The following DCC variants were observed in gnomAD, a reference collection of about 807,000 sequenced individuals.
DCC encodes netrin receptor DCC.
In DCC, 58 loss-of-function variants were observed where a neutral mutation model predicts 172.5. That is an observed-to-expected ratio of 0.34 (90% CI 0.27 to 0.42). The LOEUF (loss-of-function observed/expected upper bound fraction) is 0.42. Ranked by LOEUF, DCC falls within the 10% of genes least tolerant of loss-of-function variation. DCC has a pLI of 1.00. For synonymous variants in DCC, 709 were observed against 644.5 expected (o/e 1.10, Z -1.52); for missense variants, 1,740 against 1,791.0 (o/e 0.97, Z 0.51).
chr18:53,343,230 A>G (rs1431856151), intron 15 of DCC, among the ~76,000 whole-genome samples: 3 of 151,926 alleles, frequency 2.0e-5, no homozygotes, highest in Non-Finnish European at 4.4e-5. Flanking sequence ...GAAAGCAGGT[A>G]TCTTTCCTTT....
intron 1 of DCC, among the ~76,000 whole-genome samples, chr18:52,748,058 G>A (rs1243400050): frequency 6.6e-6 from 1 of 152,246 alleles, no homozygotes; most frequent in East Asian, 1.9e-4. Context: ...CTGATCCCAC[G>A]CCCACCATAG....
intron 3 of DCC, among the ~76,000 whole-genome samples, chr18:52,922,461 T>C (rs1023290401): frequency 6.6e-6 from 1 of 152,168 alleles, no homozygotes; most frequent in African/African-American, 2.4e-5. Context: ...CGATTGGGTC[T>C]GTCCTCACTC....
intron 11 of DCC, among the ~76,000 whole-genome samples, chr18:53,208,739 C>G (rs370805211): frequency 6.6e-6 from 1 of 152,078 alleles, no homozygotes; most frequent in South Asian, 2.1e-4. Context: ...CTTTTCTTTT[C>G]CTTTTTTGGA....
intron 6 of DCC, among the ~76,000 whole-genome samples, chr18:53,063,910 T>G (rs571962437): frequency 6.6e-6 from 1 of 152,232 alleles, no homozygotes; most frequent in Admixed American, 6.6e-5. Context: ...AGCTTTTTTT[T>G]CCTACCCTGC....
chr18:52,613,491 G>C (rs1041731811), intron 1 of DCC, among the ~76,000 whole-genome samples: 1 of 152,110 alleles, frequency 6.6e-6, no homozygotes, highest in African/African-American at 2.4e-5. Context: ...TCCTGACCTT[G>C]TGATCCGCCC....
At chr18:53,008,111 T>C (rs1441254685) in intron 5 of DCC, among the ~76,000 whole-genome samples, 1 of 151,994 alleles carries the variant, frequency 6.6e-6, no homozygotes, top group African/African-American at 2.4e-5. Context: ...AGACATATTT[T>C]TAGGACTGTC....
At chr18:53,492,281 A>G (rs928252214) in intron 26 of DCC, among the ~76,000 whole-genome samples, 1 of 152,084 alleles carries the variant, frequency 6.6e-6, no homozygotes, top group African/African-American at 2.4e-5. Context: ...CTCTGATGAT[A>G]GCTTTTTTGT....
At chr18:52,533,447 T>C (rs1037200514) in intron 1 of DCC, among the ~76,000 whole-genome samples, 1 of 152,162 alleles carries the variant, frequency 6.6e-6, no homozygotes, top group Non-Finnish European at 1.5e-5. Flanking sequence ...CCGATCTCCA[T>C]TTCTAAACCT....
intron 15 of DCC, among the ~76,000 whole-genome samples, chr18:53,369,734 G>A (rs1466832312): frequency 6.6e-6 from 1 of 151,738 alleles, no homozygotes; most frequent in Non-Finnish European, 1.5e-5. Context: ...TGACGTGGTG[G>A]TTTTTCTTCA....
At chr18:53,011,418 T>C (rs1356470505) in intron 5 of DCC, among the ~76,000 whole-genome samples, 1 of 151,770 alleles carries the variant, frequency 6.6e-6, no homozygotes, top group Non-Finnish European at 1.5e-5. Context: ...TTCAATACTT[T>C]ATTTTATTTT....
intron 2 of DCC, among the ~76,000 whole-genome samples, chr18:52,892,927 T>C (rs996953546): frequency 5.9e-5 from 9 of 152,168 alleles, no homozygotes; most frequent in African/African-American, 2.2e-4. Flanking sequence ...GTCTTTAATC[T>C]AAATTATTAT....
intron 7 of DCC, among the ~76,000 whole-genome samples, chr18:53,111,570 A>G (rs1460099730): frequency 6.6e-6 from 1 of 151,418 alleles, no homozygotes; most frequent in East Asian, 2.0e-4. Context: ...GATTTTTACA[A>G]TTTTAGGTTA....
chr18:53,501,797 C>CTGAAG (rs1568172122), intron 27 of DCC, among the ~76,000 whole-genome samples: 2 of 152,120 alleles, frequency 1.3e-5, no homozygotes, highest in African/African-American at 4.8e-5. Context: ...AACCTATGCT[C>CTGAAG]TGAAGTGCTA....
chr18:52,617,565 C>T (rs1400300349), intron 1 of DCC, among the ~76,000 whole-genome samples: 2 of 152,002 alleles, frequency 1.3e-5, no homozygotes, highest in Admixed American at 6.6e-5. Context: ...CAAGGTGAAC[C>T]TTGGTTCACA....
At chr18:53,007,621 A>G (rs2143865587) in intron 5 of DCC, among the ~76,000 whole-genome samples, 1 of 152,250 alleles carries the variant, frequency 6.6e-6, no homozygotes, top group East Asian at 1.9e-4. Flanking sequence ...GTGTGTATAT[A>G]TACACACACA....
At chr18:52,902,742 G>A (rs1394514815) in intron 2 of DCC, among the ~76,000 whole-genome samples, 2 of 152,076 alleles carry the variant, frequency 1.3e-5, no homozygotes. Context: ...CTAAAATTTA[G>A]CACAATATTG....
At chr18:52,688,035 A>G (rs1176751782) in intron 1 of DCC, among the ~76,000 whole-genome samples, 1 of 152,062 alleles carries the variant, frequency 6.6e-6, no homozygotes, top group East Asian at 1.9e-4. Flanking sequence ...ATGGGTCTAA[A>G]TTGCCCACTA....
intron 16 of DCC, among the ~76,000 whole-genome samples, chr18:53,387,533 A>T (rs556301710): frequency 6.6e-5 from 10 of 152,346 alleles, no homozygotes; most frequent in African/African-American, 2.4e-4. Context: ...TACCCCAGAG[A>T]ATATTTACTA....
chr18:52,838,042 A>G (rs1472271554), intron 2 of DCC, among the ~76,000 whole-genome samples: 6 of 152,168 alleles, frequency 3.9e-5, no homozygotes, highest in Non-Finnish European at 8.8e-5. Flanking sequence ...CAGGGTGGGG[A>G]AACCACCCCC....
Sources: gnomAD v4.1 joint callset for allele counts (sites outside exome capture counted in the v4.1 genomes callset) on GRCh38, gnomAD v4.1.1 for gene constraint, MANE v1.5 for transcripts, NCBI Gene and HGNC (gene_info 2026-07-23, HGNC 2026-07-21) for gene names.